Variants in MTREX observed in about 807,000 individuals in gnomAD.
MTREX encodes the protein Mtr4 exosome RNA helicase, also known as exosome RNA helicase MTR4.
Under a neutral mutation model 135.4 loss-of-function variants are expected in MTREX, and 76 were observed. That is an observed-to-expected ratio of 0.56 (90% CI 0.47 to 0.68). The LOEUF (loss-of-function observed/expected upper bound fraction) is 0.68, where lower values mean the gene tolerates loss of function less well. Ranked by LOEUF, MTREX falls within the 30% of genes least tolerant of loss-of-function variation. The pLI is 0.00. For missense variants in MTREX, 920 were observed against 1,262.1 expected, an observed-to-expected ratio of 0.73 and a Z score of 4.11; for synonymous variants, 404 against 401.6, an observed-to-expected ratio of 1.01 and a Z score of -0.07.
At chr5:55,403,192 C>A (rs937079747) in intron 21 of MTREX, among the ~76,000 whole-genome samples, 8 of 151,684 alleles carry the variant, frequency 5.3e-5, no homozygotes, top group African/African-American at 1.9e-4. Context: ...CAGAGTGAGA[C>A]CCTATCTCTT....
At chr5:55,378,802 A>C (rs1390449382) in intron 17 of MTREX, among the ~76,000 whole-genome samples, 1 of 152,218 alleles carries the variant, frequency 6.6e-6, no homozygotes, top group African/African-American at 2.4e-5. Flanking sequence ...CTATATGAAA[A>C]ATAAGGCAAT....
At chr5:55,402,508 A>C (rs565525437) in intron 21 of MTREX, among the ~76,000 whole-genome samples, 1 of 151,354 alleles carries the variant, frequency 6.6e-6, no homozygotes, top group Non-Finnish European at 1.5e-5. Flanking sequence ...GCTCAAATAT[A>C]CTGAAAAAGA....
chr5:55,351,035 G>C lies in MTREX; in HGVS notation c.1431+6G>C. ...TTTCTGAAGGATTGATAAAGGTATGGTTTTATTTTTATTTTTTATGCCCCC... is the reference window on the plus strand; with the variant it reads ...TTTCTGAAGGATTGATAAAGGTATGCTTTTATTTTTATTTTTTATGCCCCC... On this transcript the variant is annotated splice_donor_region_variant and intron_variant, in intron 13 of 26. Transcript: ENST00000230640. The C allele has an allele frequency of 6.3e-7, 1 of 1,586,312 alleles. No homozygotes were observed. Among genetic ancestry groups the C allele is most frequent in the Non-Finnish European group, 8.5e-7 (1 of 1,172,710 alleles).
chr5:55,366,517 T>G (rs1308306583), intron 15 of MTREX, among the ~76,000 whole-genome samples: 2 of 152,192 alleles, frequency 1.3e-5, no homozygotes, highest in African/African-American at 4.8e-5. Flanking sequence ...GCAAACAGTA[T>G]TTTAAATACT....
At chr5:55,338,461 A>G (rs1489711828) in intron 5 of MTREX, among the ~76,000 whole-genome samples, 2 of 151,946 alleles carry the variant, frequency 1.3e-5, no homozygotes, top group Admixed American at 6.6e-5. Flanking sequence ...CAGTTTAACT[A>G]TGATGTTTCT....
At chr5:55,385,578 G>A (rs74688940) in intron 18 of MTREX, among the ~76,000 whole-genome samples, 22,734 of 152,160 alleles carry the variant, frequency 0.15, 2,157 homozygotes, top group South Asian at 0.18. Context: ...GAGGAAGGGA[G>A]TGATCTTTTT....
rs115110891 is a variant in MTREX, at chr5:55,386,082, G to C, written c.2053-1892G>C. Among the ~76,000 whole-genome samples, 1,052 of 152,152 alleles carry C rather than the reference G, an allele frequency of 6.9e-3. 15 individuals are homozygous for C. The highest frequency in any genetic ancestry group is 0.023 in the African/African-American group (938 of 41,520). On this transcript the variant is annotated intron_variant, in intron 18 of 26. Coordinates refer to ENST00000230640, the MANE Select transcript of MTREX (RefSeq NM_015360.5). ...AGAATACAAATCCAAAGATTTTTGT[G>C]GCCAATAGAGCTTGCCAGAGGCAGA...
intron 1 of MTREX, among the ~76,000 whole-genome samples, chr5:55,309,621 T>C (rs1274699979): frequency 2.0e-5 from 3 of 152,214 alleles, no homozygotes; most frequent in African/African-American, 7.2e-5. Flanking sequence ...GGTTTTGATA[T>C]AGTGATAACA....
chr5:55,387,793 A>G (rs531995125), intron 18 of MTREX, among the ~76,000 whole-genome samples, 181 bp from the exon 19 acceptor site: 1 of 152,144 alleles, frequency 6.6e-6, no homozygotes, highest in Non-Finnish European at 1.5e-5. Context: ...GTGTTTTCTC[A>G]TCCAATGGAA....
chr5:55,385,653 A>G (rs1750466364), intron 18 of MTREX, among the ~76,000 whole-genome samples: 2 of 152,074 alleles, frequency 1.3e-5, no homozygotes, highest in Non-Finnish European at 2.9e-5. Context: ...TTTATTTGAT[A>G]TATTCTCTTA....
chr5:55,376,346 G>A (rs754815808), intron 16 of MTREX, among the ~76,000 whole-genome samples: 5 of 152,288 alleles, frequency 3.3e-5, no homozygotes, highest in East Asian at 1.9e-4. Context: ...CTCATTACCC[G>A]ATCTCCAAGC....
chr5:55,361,543 T>A (rs1750008579), intron 15 of MTREX, among the ~76,000 whole-genome samples: 1 of 152,146 alleles, frequency 6.6e-6, no homozygotes, highest in Admixed American at 6.5e-5. Context: ...ATTTTTTAAC[T>A]TGGTCACTGC....
chr5:55,309,512 A>G (rs1022718939), intron 1 of MTREX, among the ~76,000 whole-genome samples: 1 of 152,162 alleles, frequency 6.6e-6, no homozygotes, highest in Admixed American at 6.5e-5. Context: ...GTTAAGGAAA[A>G]AATGGACAGG....
In MTREX at chr5:55,419,784, TTA is replaced by T. The variant is rs1172552533; in HGVS notation, c.2972-3092_2972-3091del. Reference sequence around the variant, plus strand: ...TGTACCTCTGCCTGCCATATGCTTTTTATTTTTTTTCAGTCCTGCTCCCTCTG... The same window carrying T: ...TGTACCTCTGCCTGCCATATGCTTTTTTTTTTTTCAGTCCTGCTCCCTCTG... On this transcript the variant is annotated intron_variant, in intron 25 of 26. Transcript: ENST00000230640. 7.9e-5 allele frequency among the ~76,000 whole-genome samples: 12 copies of T among 152,348 alleles called. No individual in the cohort carries two copies. The East Asian group carries it at 2.1e-3, about 27-fold the overall frequency.
At chr5:55,380,281 C>T (rs1015926731) in intron 18 of MTREX, among the ~76,000 whole-genome samples, 1 of 152,144 alleles carries the variant, frequency 6.6e-6, no homozygotes, top group African/African-American at 2.4e-5. Flanking sequence ...GATACACACT[C>T]TACAATTTTC....
chr5:55,319,571 A>G (rs1370265690), intron 1 of MTREX, among the ~76,000 whole-genome samples: 1 of 152,228 alleles, frequency 6.6e-6, no homozygotes, highest in Non-Finnish European at 1.5e-5. Flanking sequence ...TGCTATGTAT[A>G]GAGCATGCTA....
In MTREX at chr5:55,425,109, G is replaced by T; in HGVS notation, c.*337G>T. On this transcript the variant is annotated 3_prime_UTR_variant, in exon 27 of 27. Coordinates refer to ENST00000230640, the MANE Select transcript of MTREX (RefSeq NM_015360.5). Reference sequence around the variant, plus strand: ...CATAGCAGCAGCAGAAGTCTTTAAAGGCTTGTACACCAGGAAGAAAGATGC... The same window carrying T: ...CATAGCAGCAGCAGAAGTCTTTAAATGCTTGTACACCAGGAAGAAAGATGC... The T allele has an allele frequency of 6.9e-7, 1 of 1,459,238 alleles. No homozygotes were observed. Among genetic ancestry groups the T allele is most frequent in the Middle Eastern group, 1.8e-4 (1 of 5,432 alleles). 90.4% of individuals were successfully genotyped at this position (1,459,238 alleles called of 1,614,324 possible).
At chr5:55,421,060 T>C (rs552954200) in intron 25 of MTREX, among the ~76,000 whole-genome samples, 1 of 152,222 alleles carries the variant, frequency 6.6e-6, no homozygotes, top group African/African-American at 2.4e-5. Context: ...AAAAAAAATT[T>C]TGTAACAAAC....
At chr5:55,316,737 CCT>C (rs1417390921) in intron 1 of MTREX, among the ~76,000 whole-genome samples, 1 of 152,146 alleles carries the variant, frequency 6.6e-6, no homozygotes, top group Non-Finnish European at 1.5e-5. Context: ...GCAAGGCTGC[CCT>C]CTCTCACCAC....
Sources: allele counts gnomAD v4.1 joint callset (sites outside exome capture counted in the v4.1 genomes callset), GRCh38; gene constraint gnomAD v4.1.1; transcripts MANE v1.5; gene names NCBI Gene and HGNC (gene_info 2026-07-23, HGNC 2026-07-21).